The following KHDRBS3 variants were observed in gnomAD, a reference collection of about 807,000 sequenced individuals.
The protein encoded by KHDRBS3 is KH domain-containing, RNA-binding, signal transduction-associated protein 3.
A neutral mutation model predicts 45.6 loss-of-function variants in KHDRBS3; 23 were observed. That is an observed-to-expected ratio of 0.50 (90% CI 0.36 to 0.72). KHDRBS3 has a LOEUF of 0.72. Ranked by LOEUF, KHDRBS3 falls within the 30% of genes least tolerant of loss-of-function variation. The pLI, the probability that KHDRBS3 is intolerant of heterozygous loss-of-function variation, is 0.00. For missense variants in KHDRBS3, 352 were observed against 424.8 expected, an observed-to-expected ratio of 0.83 and a Z score of 1.51; for synonymous variants, 162 against 156.5, an observed-to-expected ratio of 1.04 and a Z score of -0.26.
intron 3 of KHDRBS3, among the ~76,000 whole-genome samples, chr8:135,544,496 C>A (rs1446024058): frequency 2.0e-5 from 3 of 152,118 alleles, no homozygotes; most frequent in Non-Finnish European, 1.5e-5. Context: ...GCATATTGGA[C>A]ACACAGCATG....
chr8:135,498,696 T>C (rs1823582031), intron 1 of KHDRBS3, among the ~76,000 whole-genome samples: 1 of 151,386 alleles, frequency 6.6e-6, no homozygotes, highest in African/African-American at 2.4e-5. Context: ...TGAAAAGTTG[T>C]TTTTTCTTCT....
intron 6 of KHDRBS3, among the ~76,000 whole-genome samples, chr8:135,601,944 A>C (rs1341129237): frequency 6.6e-6 from 1 of 152,246 alleles, no homozygotes; most frequent in Non-Finnish European, 1.5e-5. Context: ...GAACACTAGA[A>C]GATAAGAGCA....
At chr8:135,502,291 C>T (rs945505459) in intron 1 of KHDRBS3, among the ~76,000 whole-genome samples, 4 of 152,162 alleles carry the variant, frequency 2.6e-5, no homozygotes, top group African/African-American at 7.2e-5. Context: ...TCACCAGATA[C>T]TCTCCCCTTG....
At chr8:135,579,149 A>T (rs1479399922) in intron 5 of KHDRBS3, among the ~76,000 whole-genome samples, 2 of 152,012 alleles carry the variant, frequency 1.3e-5, no homozygotes, top group African/African-American at 4.8e-5. Flanking sequence ...GAACAAAGGA[A>T]GTTTTACTTT....
intron 6 of KHDRBS3, among the ~76,000 whole-genome samples, chr8:135,591,647 T>C (rs529341645): frequency 1.3e-5 from 2 of 152,330 alleles, no homozygotes; most frequent in East Asian, 1.9e-4. Context: ...TTCTGAAATT[T>C]TGATGACTAG....
chr8:135,610,858 G>A (rs1829680636), intron 7 of KHDRBS3, among the ~76,000 whole-genome samples: 1 of 151,746 alleles, frequency 6.6e-6, no homozygotes, highest in African/African-American at 2.4e-5. Flanking sequence ...GGGGAGAGAG[G>A]GGCCAGGAGG....
chr8:135,470,236 T>A (rs1160539759), intron 1 of KHDRBS3, among the ~76,000 whole-genome samples: 1 of 152,174 alleles, frequency 6.6e-6, no homozygotes, highest in East Asian at 1.9e-4. Flanking sequence ...AGCAGGCTTC[T>A]TTCCTCCCGT....
At chr8:135,536,262 T>TTTTTA (rs1491256544) in intron 2 of KHDRBS3, among the ~76,000 whole-genome samples, 9 of 98,840 alleles carry the variant, frequency 9.1e-5, no homozygotes, top group South Asian at 3.5e-4. Flanking sequence ...TTTTTTTTTT[T>TTTTTA]ATTATTGTTT....
chr8:135,644,958 C>A, intron 7 of KHDRBS3, 101 bp from the exon 8 acceptor site: 1 of 1,201,026 alleles, frequency 8.3e-7, no homozygotes, highest in Non-Finnish European at 1.2e-6. Flanking sequence ...TTCAGTCTTG[C>A]CCTTCATTAG....
At chr8:135,490,502 T>G (rs1823093492) in intron 1 of KHDRBS3, among the ~76,000 whole-genome samples, 1 of 152,202 alleles carries the variant, frequency 6.6e-6, no homozygotes, top group Non-Finnish European at 1.5e-5. Context: ...TAGAGCCAGT[T>G]TTTGTCCTCA....
intron 6 of KHDRBS3, among the ~76,000 whole-genome samples, chr8:135,600,970 T>G (rs1829185055): frequency 6.6e-6 from 1 of 152,216 alleles, no homozygotes; most frequent in Admixed American, 6.5e-5. Context: ...TCCAAAGTGC[T>G]AGGATTAGTA....
At chr8:135,610,409 A>G (rs948749813) in intron 7 of KHDRBS3, among the ~76,000 whole-genome samples, 1 of 151,816 alleles carries the variant, frequency 6.6e-6, no homozygotes, top group African/African-American at 2.4e-5. Flanking sequence ...CTGATTATAT[A>G]TTTATATGAC....
intron 2 of KHDRBS3, among the ~76,000 whole-genome samples, chr8:135,529,235 A>G (rs1170104965): frequency 2.0e-5 from 3 of 152,160 alleles, no homozygotes; most frequent in Admixed American, 2.0e-4. Flanking sequence ...AAAGAAGAGA[A>G]CCGGTAAGCG....
intron 2 of KHDRBS3, among the ~76,000 whole-genome samples, chr8:135,521,847 CATT>C (rs757472628): frequency 8.6e-5 from 13 of 152,040 alleles, no homozygotes; most frequent in African/African-American, 3.1e-4. Flanking sequence ...CTGAATATAT[CATT>C]GTTGTTTATC....
intron 1 of KHDRBS3, among the ~76,000 whole-genome samples, chr8:135,511,112 A>G (rs912328954): frequency 7.9e-5 from 12 of 152,240 alleles, no homozygotes; most frequent in Admixed American, 7.2e-4. Context: ...TCTCTGCTAC[A>G]GTAATACTAA....
chr8:135,645,181 A>G, intron 8 of KHDRBS3, 64 bp downstream of exon 8: 1 of 1,524,268 alleles, frequency 6.6e-7, no homozygotes, highest in South Asian at 1.1e-5. Flanking sequence ...GACCTTAAAG[A>G]TATTAATGGG....
In KHDRBS3 at chr8:135,542,789, A is replaced by G. The variant is rs1826106728; in HGVS notation, c.324+19A>G. On this transcript the variant is annotated intron_variant, in intron 3 of 8. Transcript: ENST00000355849. ...GGCCAAGGTAATATTAATTATAGAAAACGGCTAAGTTGTGTATCATGTTAT... is the reference window on the plus strand; with the variant it reads ...GGCCAAGGTAATATTAATTATAGAAGACGGCTAAGTTGTGTATCATGTTAT... The G allele has an allele frequency of 6.7e-7, 1 of 1,493,360 alleles. No individual in the cohort carries two copies. Among genetic ancestry groups the G allele is most frequent in the Non-Finnish European group, 9.3e-7 (1 of 1,071,814 alleles). The allele number at this position is 1,493,360 out of a possible 1,614,324, so 92.5% of individuals were successfully genotyped here. A position where few individuals can be genotyped will look rare whatever the true frequency, so the allele number is the denominator to read the frequency against.
chr8:135,532,892 G>T (rs1430539244), intron 2 of KHDRBS3, among the ~76,000 whole-genome samples: 1 of 152,000 alleles, frequency 6.6e-6, no homozygotes, highest in Non-Finnish European at 1.5e-5. Context: ...ATTCCACAGT[G>T]CAGGTCTCAC....
intron 1 of KHDRBS3, among the ~76,000 whole-genome samples, chr8:135,517,298 A>T (rs756770486): frequency 6.6e-6 from 1 of 152,172 alleles, no homozygotes; most frequent in Non-Finnish European, 1.5e-5. Flanking sequence ...TCCCCTATGC[A>T]TTCGTCCTTG....
Sources: allele counts gnomAD v4.1 joint callset (sites outside exome capture counted in the v4.1 genomes callset), GRCh38; gene constraint gnomAD v4.1.1; transcripts MANE v1.5; gene names NCBI Gene and HGNC (gene_info 2026-07-23, HGNC 2026-07-21).